ABCA13: variants seen among roughly 807,000 people sequenced by gnomAD.
ABCA13 encodes the protein ATP binding cassette subfamily A member 13, also known as ATP-binding cassette sub-family A member 13.
ABCA13 carries 476 observed loss-of-function variants against 478.7 expected under a neutral mutation model. That is an observed-to-expected ratio of 0.99 (90% CI 0.92 to 1.07). The LOEUF (loss-of-function observed/expected upper bound fraction) is 1.07. Among genes scored for constraint, ABCA13 ranks in the 50% least tolerant of loss-of-function variants. The probability of loss-of-function intolerance (pLI) is 0.00; values close to 1 mark genes in which losing one functional copy is unlikely to be tolerated. For missense variants in ABCA13, 6,060 were observed against 5,910.6 expected, an observed-to-expected ratio of 1.03 and a Z score of -0.83; for synonymous variants, 2,252 against 2,158.9, an observed-to-expected ratio of 1.04 and a Z score of -1.20.
At chr7:48,207,065 A>G (rs1785024028) in intron 3 of ABCA13, among the ~76,000 whole-genome samples, 1 of 152,072 alleles carries the variant, frequency 6.6e-6, no homozygotes. Context: ...AACACATAAT[A>G]TTTGTCTTTC....
Position 48,290,841 on chromosome 7 carries a change from T to C in ABCA13, c.8955+2763T>C, listed in dbSNP as rs1002802891. On this transcript the variant is annotated intron_variant, in intron 20 of 61. Coordinates refer to ENST00000435803, the MANE Select transcript of ABCA13 (RefSeq NM_152701.5). ...TGACCTAGTTGTATTTCTGCATTGATATGCTACAAAAAGGGATCTCTTTGG... is the reference window on the plus strand; with the variant it reads ...TGACCTAGTTGTATTTCTGCATTGACATGCTACAAAAAGGGATCTCTTTGG... 6.9e-5 allele frequency among the ~76,000 whole-genome samples: 10 copies of C among 145,176 alleles called. No homozygotes were observed. The Admixed American group carries it at 7.3e-4, about 11-fold the overall frequency.
intron 55 of ABCA13, among the ~76,000 whole-genome samples, chr7:48,563,848 G>A (rs1021144552): frequency 1.4e-5 from 2 of 146,490 alleles, no homozygotes; most frequent in African/African-American, 5.1e-5. Context: ...GTTTTGCATG[G>A]CCTCATCTTT....
chr7:48,622,895 G>C (rs998060097), intron 59 of ABCA13, among the ~76,000 whole-genome samples: 12 of 152,162 alleles, frequency 7.9e-5, no homozygotes, highest in Non-Finnish European at 1.5e-4. Flanking sequence ...TTACCATCTA[G>C]TAAGTAGAGG....
intron 29 of ABCA13, among the ~76,000 whole-genome samples, chr7:48,339,083 C>T (rs1268869707): frequency 6.6e-6 from 1 of 152,162 alleles, no homozygotes; most frequent in African/African-American, 2.4e-5. Flanking sequence ...AGGAGCCTAA[C>T]CCAGTTGGTG....
chr7:48,197,370 T>TTCC (rs1300684827), intron 2 of ABCA13, among the ~76,000 whole-genome samples: 3 of 152,170 alleles, frequency 2.0e-5, no homozygotes, highest in African/African-American at 7.2e-5. Flanking sequence ...GGCATCTCCA[T>TTCC]TCCAGGTCTG....
intron 2 of ABCA13, among the ~76,000 whole-genome samples, chr7:48,195,775 A>G (rs1298855125): frequency 6.6e-6 from 1 of 152,310 alleles, no homozygotes; most frequent in East Asian, 1.9e-4. Flanking sequence ...AGCAGCAACC[A>G]GAGTGCTGGA....
At chr7:48,468,829 G>T (rs1353275786) in intron 44 of ABCA13, among the ~76,000 whole-genome samples, 2 of 152,120 alleles carry the variant, frequency 1.3e-5, no homozygotes, top group Non-Finnish European at 2.9e-5. Context: ...CTTCTGATTT[G>T]TACCTCCCTC....
chr7:48,318,498 G>A (rs887929687), intron 27 of ABCA13, among the ~76,000 whole-genome samples: 1 of 148,392 alleles, frequency 6.7e-6, no homozygotes, highest in African/African-American at 2.6e-5. Context: ...CCCACGCCCT[G>A]CTAACTTTTT....
chr7:48,201,472 A>C (rs1341226707), intron 3 of ABCA13, among the ~76,000 whole-genome samples: 1 of 152,186 alleles, frequency 6.6e-6, no homozygotes, highest in Non-Finnish European at 1.5e-5. Context: ...CTGGCATCCC[A>C]GCACTTTGGG....
At chr7:48,508,479 A>G (rs1358367889) in intron 50 of ABCA13, among the ~76,000 whole-genome samples, 1 of 152,094 alleles carries the variant, frequency 6.6e-6, no homozygotes, top group Non-Finnish European at 1.5e-5. Flanking sequence ...CATTTTTGGA[A>G]TGCACTCAGT....
intron 3 of ABCA13, among the ~76,000 whole-genome samples, chr7:48,213,234 A>G (rs543372534): frequency 6.6e-6 from 1 of 152,310 alleles, no homozygotes; most frequent in South Asian, 2.1e-4. Context: ...TGTTAATAGT[A>G]TGAAGGGCTG....
chr7:48,569,126 C>T (rs1170149145), intron 55 of ABCA13, among the ~76,000 whole-genome samples: 1 of 151,852 alleles, frequency 6.6e-6, no homozygotes, highest in East Asian at 1.9e-4. Context: ...TATTTCTGCT[C>T]AAATCATTAT....
intron 42 of ABCA13, among the ~76,000 whole-genome samples, chr7:48,454,719 A>ATGG (rs1166118815): frequency 6.6e-6 from 1 of 152,086 alleles, no homozygotes; most frequent in Non-Finnish European, 1.5e-5. Flanking sequence ...GAGGAAAAGG[A>ATGG]TGGTGGGAGA....
At chr7:48,390,130 G>A (rs1461413506) in intron 37 of ABCA13, among the ~76,000 whole-genome samples, 2 of 152,178 alleles carry the variant, frequency 1.3e-5, no homozygotes, top group African/African-American at 2.4e-5. Flanking sequence ...GACTCAGCCA[G>A]CCAGTTCCTC....
Position 48,276,550 on chromosome 7 carries a change from T to C in ABCA13, c.6884T>C (p.Val2295Ala). Reference sequence around the variant, plus strand: ...CTGCTGAAATATTTCCACAAAGATGTTATTGCAGAGATGAGGTGAGTATAC... The same window carrying C: ...CTGCTGAAATATTTCCACAAAGATGCTATTGCAGAGATGAGGTGAGTATAC... Reference protein sequence around the residue: ...SLLLKYFHKDVIAEMSFVPKD... With the variant: ...SLLLKYFHKDAIAEMSFVPKD... The change falls in exon 17 of 62, where the codon GTT (valine) becomes GCT (alanine). Residue 2295 changes from valine to alanine, a missense_variant. Physicochemically the swap from Val to Ala is moderately conservative, Grantham distance 64 (BLOSUM62 0). Coordinates refer to ENST00000435803, the MANE Select transcript of ABCA13 (RefSeq NM_152701.5). 1 of 1,611,690 alleles carries C rather than the reference T, an allele frequency of 6.2e-7. No homozygotes were observed. The highest frequency in any genetic ancestry group is 8.5e-7 in the Non-Finnish European group (1 of 1,179,480).
chr7:48,543,530 A>G (rs928133550), intron 55 of ABCA13, among the ~76,000 whole-genome samples: 1 of 151,682 alleles, frequency 6.6e-6, no homozygotes, highest in Non-Finnish European at 1.5e-5. Context: ...AAGCTGAGGC[A>G]GGAGAATCGC....
chr7:48,233,099 G>A (rs1440269871), intron 7 of ABCA13, among the ~76,000 whole-genome samples: 1 of 152,064 alleles, frequency 6.6e-6, no homozygotes, highest in Non-Finnish European at 1.5e-5. Context: ...TTGTATTTCT[G>A]GGATTTTCCC....
intron 25 of ABCA13, among the ~76,000 whole-genome samples, 175 bp from the exon 26 acceptor site, chr7:48,314,057 G>T (rs556763036): frequency 6.6e-6 from 1 of 151,866 alleles, no homozygotes. Flanking sequence ...AAAAGTTACC[G>T]TAGTGTTTCA....
At chr7:48,284,195 T>C (rs1475349896) in intron 19 of ABCA13, among the ~76,000 whole-genome samples, 2 of 152,180 alleles carry the variant, frequency 1.3e-5, no homozygotes, top group African/African-American at 4.8e-5. Flanking sequence ...ATACAAATGG[T>C]TGTTTGAACA....
Sources: gnomAD v4.1 joint callset for allele counts (sites outside exome capture counted in the v4.1 genomes callset) on GRCh38, gnomAD v4.1.1 for gene constraint, MANE v1.5 for transcripts, NCBI Gene and HGNC (gene_info 2026-07-23, HGNC 2026-07-21) for gene names.